Variants in CACNA2D1 observed in about 807,000 individuals in gnomAD.
CACNA2D1 encodes the protein voltage-dependent calcium channel subunit alpha-2/delta-1.
Under a neutral mutation model 171.5 loss-of-function variants are expected in CACNA2D1, and 53 were observed. The observed-to-expected ratio is 0.31, with a 90% CI of 0.25 to 0.39. The LOEUF (loss-of-function observed/expected upper bound fraction) is 0.39, where lower values mean the gene tolerates loss of function less well. Among genes scored for constraint, CACNA2D1 ranks in the 10% least tolerant of loss-of-function variants. The probability of loss-of-function intolerance (pLI) is 1.00; values close to 1 mark genes in which losing one functional copy is unlikely to be tolerated. For synonymous variants in CACNA2D1, 442 were observed against 443.1 expected (o/e 1.00, Z 0.03); for missense variants, 903 against 1,299.8 (o/e 0.69, Z 4.69).
chr7:82,019,755 G>A (rs1017914819), intron 12 of CACNA2D1, among the ~76,000 whole-genome samples: 1 of 152,146 alleles, frequency 6.6e-6, no homozygotes, highest in Non-Finnish European at 1.5e-5. Flanking sequence ...GTTACCCAGA[G>A]TTCAACTTTA....
intron 10 of CACNA2D1, among the ~76,000 whole-genome samples, chr7:82,055,461 C>T (rs531479218): frequency 8.5e-5 from 13 of 152,070 alleles, no homozygotes; most frequent in African/African-American, 3.1e-4. Context: ...GACACATGCA[C>T]ACGTATGTTT....
intron 3 of CACNA2D1, among the ~76,000 whole-genome samples, chr7:82,333,185 G>T (rs1356922884): frequency 6.6e-6 from 1 of 152,030 alleles, no homozygotes; most frequent in African/African-American, 2.4e-5. Flanking sequence ...TTCTCAATTT[G>T]GTCTGAATCA....
At chr7:81,974,591 C>CAGGTCATTGCAGTAATCTCTGAAA in intron 24 of CACNA2D1, 39 bp from the exon 25 acceptor site, 2 of 1,041,128 alleles carry the variant, frequency 1.9e-6, no homozygotes, top group Non-Finnish European at 2.9e-6. Context: ...ATATTAAAAT[C>CAGGTCATTGCAGTAATCTCTGAAA]AAAACTTTAC....
rs374612462 is a variant in CACNA2D1 at position 81,967,224 on chromosome 7, C to T, written c.2464-17G>A. 2.9e-5 allele frequency: 46 copies of T among 1,595,408 alleles called. 1 individual carries two copies. Among genetic ancestry groups the T allele is most frequent in the South Asian group, 2.0e-4 (18 of 90,220 alleles). ...ACCAGCACACTGAAAGACAAAAATG[C>T]GATTATCACCTCACTTTTAAAAGTT... is the stretch of plus-strand genomic sequence containing the variant. On this transcript the variant is annotated splice_polypyrimidine_tract_variant and intron_variant, in intron 30 of 38. Transcript: ENST00000356860.
chr7:81,950,217 C>CGT lies in CACNA2D1; in HGVS notation c.*174_*175insAC, dbSNP rs1491018801. 1 of 1,108,112 alleles carries CGT rather than the reference C, an allele frequency of 9.0e-7. No homozygotes were observed. Among genetic ancestry groups the CGT allele is most frequent in the African/African-American group, 1.5e-5 (1 of 65,070 alleles). The allele number at this position is 1,108,112 out of a possible 1,614,324, so 68.6% of individuals were successfully genotyped here. On this transcript the variant is annotated 3_prime_UTR_variant, in exon 39 of 39. Coordinates refer to ENST00000356860, the MANE Select transcript of CACNA2D1 (RefSeq NM_000722.4). Reference sequence around the variant, plus strand: ...CACACACGTTTAAGGATCTGACACCCTGACATGCAGCCAGTGGGTGCCTTA... The same window carrying CGT: ...CACACACGTTTAAGGATCTGACACCCGTTGACATGCAGCCAGTGGGTGCCTTA...
At chr7:82,374,959 G>A (rs547557249) in intron 1 of CACNA2D1, among the ~76,000 whole-genome samples, 21 of 152,198 alleles carry the variant, frequency 1.4e-4, no homozygotes, top group South Asian at 6.2e-4. Context: ...GATTAAGTAC[G>A]TAGCTGGATT....
intron 2 of CACNA2D1, chr7:82,343,193 T>G (rs890791984): frequency 2.6e-5 from 4 of 152,204 alleles, no homozygotes; most frequent in African/African-American, 9.7e-5. Flanking sequence ...TTCTTTCTAT[T>G]TGCTGTGATA....
intron 5 of CACNA2D1, among the ~76,000 whole-genome samples, chr7:82,128,624 AT>A (rs1342099226): frequency 6.6e-6 from 1 of 152,174 alleles, no homozygotes; most frequent in Non-Finnish European, 1.5e-5. Context: ...TTACACTCGA[AT>A]GTATCCTTCT....
chr7:82,292,167 A>G (rs1310872083), intron 3 of CACNA2D1, among the ~76,000 whole-genome samples: 1 of 152,108 alleles, frequency 6.6e-6, no homozygotes, highest in Non-Finnish European at 1.5e-5. Flanking sequence ...TTTACAACTT[A>G]TTGATTTCCC....
At chr7:82,359,124 C>T (rs80190660) in intron 1 of CACNA2D1, among the ~76,000 whole-genome samples, 2 of 152,200 alleles carry the variant, frequency 1.3e-5, no homozygotes, top group Non-Finnish European at 2.9e-5. Context: ...AGGTGTCCCA[C>T]GTGGCCACAC....
chr7:82,149,206 C>T (rs982989406), intron 4 of CACNA2D1, among the ~76,000 whole-genome samples: 2 of 152,126 alleles, frequency 1.3e-5, no homozygotes, highest in African/African-American at 4.8e-5. Context: ...AACTACTAAA[C>T]AAGCCAGCCT....
chr7:82,301,459 T>C (rs780826114), intron 3 of CACNA2D1, among the ~76,000 whole-genome samples: 1 of 151,976 alleles, frequency 6.6e-6, no homozygotes, highest in Non-Finnish European at 1.5e-5. Flanking sequence ...CCCAATGTCT[T>C]AGGGTGATCA....
At chr7:82,199,884 C>A (rs1799238176) in intron 3 of CACNA2D1, among the ~76,000 whole-genome samples, 1 of 151,966 alleles carries the variant, frequency 6.6e-6, no homozygotes, top group African/African-American at 2.4e-5. Flanking sequence ...GACTACTACT[C>A]ATCAATAAAA....
At chr7:82,111,530 C>T (rs905714046) in intron 6 of CACNA2D1, among the ~76,000 whole-genome samples, 1 of 146,804 alleles carries the variant, frequency 6.8e-6, no homozygotes, top group East Asian at 2.1e-4. Flanking sequence ...TCACTGAAAC[C>T]TCTGCCTCCT....
chr7:82,266,934 A>G (rs976319168), intron 3 of CACNA2D1, among the ~76,000 whole-genome samples: 4 of 152,214 alleles, frequency 2.6e-5, no homozygotes, highest in African/African-American at 9.6e-5. Flanking sequence ...TGCTTGTCAT[A>G]TCCATTTCAA....
chr7:82,163,183 T>G (rs1446003692), intron 4 of CACNA2D1, among the ~76,000 whole-genome samples: 1 of 152,108 alleles, frequency 6.6e-6, no homozygotes, highest in Admixed American at 6.6e-5. Context: ...TCTCCACATT[T>G]TCCAACTTCT....
At chr7:81,984,801 G>C (rs767096403) in intron 21 of CACNA2D1, 90 bp from the exon 22 acceptor site, 2 of 744,790 alleles carry the variant, frequency 2.7e-6, no homozygotes. Context: ...TGGGAAAATC[G>C]AAAGATCTTC....
rs140310902 is a variant in CACNA2D1, at chr7:82,045,499, G to C, written c.880-7264C>G. On this transcript the variant is annotated intron_variant, in intron 10 of 38. Coordinates refer to ENST00000356860, the MANE Select transcript of CACNA2D1 (RefSeq NM_000722.4). ...TCATGGGTTTTGGTATATAGTCATGGTGGAATTTAGTTTCCCCAACACTAT... is the reference window on the plus strand; with the variant it reads ...TCATGGGTTTTGGTATATAGTCATGCTGGAATTTAGTTTCCCCAACACTAT... 4.2e-3 allele frequency among the ~76,000 whole-genome samples: 633 copies of C among 152,144 alleles called. 2 individuals are homozygous for C. The highest frequency in any genetic ancestry group is 0.015 in the African/African-American group (611 of 41,514).
intron 30 of CACNA2D1, 75 bp from the exon 31 acceptor site, chr7:81,967,282 T>A: frequency 1.7e-6 from 2 of 1,173,160 alleles, no homozygotes; most frequent in Non-Finnish European, 2.5e-6. Context: ...ATGTTATAAT[T>A]AGAAATTCTG....
Sources: gnomAD v4.1 joint callset for allele counts (sites outside exome capture counted in the v4.1 genomes callset) on GRCh38, gnomAD v4.1.1 for gene constraint, MANE v1.5 for transcripts, NCBI Gene and HGNC (gene_info 2026-07-23, HGNC 2026-07-21) for gene names.